The following CAPZA2 variants were observed in gnomAD, a reference collection of about 807,000 sequenced individuals.
The protein encoded by CAPZA2 is F-actin-capping protein subunit alpha-2.
In CAPZA2, 13 loss-of-function variants were observed where a neutral mutation model predicts 44.0. That is an observed-to-expected ratio of 0.30 (90% CI 0.19 to 0.47). The LOEUF is 0.47. CAPZA2 is among the 20% of genes least tolerant of loss of function. The probability of loss-of-function intolerance (pLI) is 1.00; values close to 1 mark genes in which losing one functional copy is unlikely to be tolerated. For missense variants in CAPZA2, 244 were observed against 338.6 expected (o/e 0.72, Z 2.19); for synonymous variants, 94 against 108.2 (o/e 0.87, Z 0.81).
chr7:116,885,932 C>T (rs1051539781), intron 1 of CAPZA2: 1 of 153,880 alleles, frequency 6.5e-6, no homozygotes, highest in African/African-American at 2.4e-5. Flanking sequence ...TCTCCCCTCC[C>T]TGGAGTGGAG....
chr7:116,908,854 G>A (rs985544932), intron 6 of CAPZA2, among the ~76,000 whole-genome samples: 4 of 152,036 alleles, frequency 2.6e-5, no homozygotes, highest in Non-Finnish European at 5.9e-5. Context: ...ATCAAGACAT[G>A]TTATAAAATT....
intron 7 of CAPZA2, 64 bp downstream of exon 7, chr7:116,910,375 A>G: frequency 1.2e-6 from 1 of 822,152 alleles, no homozygotes; most frequent in South Asian, 1.4e-5. Context: ...ACTAATTCCT[A>G]AGTTTACATT....
At position 116,895,859 on chromosome 7, in the gene CAPZA2, C is replaced by A. The variant is rs111831911; in HGVS notation, c.155+2814C>A. 3.9e-5 allele frequency among the ~76,000 whole-genome samples: 6 copies of A among 152,112 alleles called. 1 individual carries two copies. The highest frequency in any genetic ancestry group is 2.1e-4 in the South Asian group (1 of 4,820). ...CAGTGTCCTCTCTGTGAAATAATTT[C>A]TGAGCAAAAGTAGTGTTACCCTGTT... On this transcript the variant is annotated intron_variant, in intron 3 of 9. Transcript: ENST00000361183.
At position 116,919,394 on chromosome 7, in the gene CAPZA2, G is replaced by A. The variant is rs1445493678; in HGVS notation, c.*1527G>A. The A allele has an allele frequency of 6.6e-6, 1 of 151,888 alleles. No individual in the cohort carries two copies. The highest frequency in any genetic ancestry group is 6.6e-5 in the Admixed American group (1 of 15,200). 9.4% of individuals were successfully genotyped at this position (151,888 alleles called of 1,614,324 possible). A position where few individuals can be genotyped will look rare whatever the true frequency, so the allele number is the denominator to read the frequency against. ...ATATATATTTGAAAGTTTGATGATGGTGAACTAAATACTAGATCTAATTGA... is the reference window on the plus strand; with the variant it reads ...ATATATATTTGAAAGTTTGATGATGATGAACTAAATACTAGATCTAATTGA... On this transcript the variant is annotated 3_prime_UTR_variant, in exon 10 of 10. Coordinates refer to ENST00000361183, the MANE Select transcript of CAPZA2 (RefSeq NM_006136.3).
chr7:116,879,239 C>A (rs1796659483), intron 1 of CAPZA2, among the ~76,000 whole-genome samples: 1 of 151,744 alleles, frequency 6.6e-6, no homozygotes, highest in African/African-American at 2.4e-5. Flanking sequence ...ATTTATTCAC[C>A]CAAGGTCACA....
chr7:116,879,982 A>G (rs1211786058), intron 1 of CAPZA2: 6 of 394,666 alleles, frequency 1.5e-5, no homozygotes, highest in South Asian at 5.6e-5. Flanking sequence ...AGGGTCTGCT[A>G]TTTGCCAGGC....
rs554419988 is a variant in CAPZA2 at position 116,886,800 on chromosome 7, C to T, written c.40-1327C>T. ...AGGACTACACTTTCAGGGACACTAC[C>T]TCAGCTTATTCACAGGTACCATGTA... On this transcript the variant is annotated intron_variant, in intron 1 of 9. Coordinates refer to ENST00000361183, the MANE Select transcript of CAPZA2 (RefSeq NM_006136.3). Among the ~76,000 whole-genome samples, 9 of 152,314 alleles carry T rather than the reference C, an allele frequency of 5.9e-5. No individual in the cohort carries two copies. The South Asian group carries it at 1.9e-3, about 32-fold the overall frequency.
chr7:116,886,829 T>A (rs1796767220), intron 1 of CAPZA2, among the ~76,000 whole-genome samples: 1 of 152,246 alleles, frequency 6.6e-6, no homozygotes, highest in South Asian at 2.1e-4. Context: ...CCATGTAGTG[T>A]GATTGGATGG....
intron 4 of CAPZA2, among the ~76,000 whole-genome samples, chr7:116,900,065 A>G (rs954289942): frequency 6.6e-6 from 1 of 151,722 alleles, no homozygotes; most frequent in South Asian, 2.1e-4. Flanking sequence ...ATGATGTATC[A>G]ATAGACAGTA....
In CAPZA2 at chr7:116,906,272, A is replaced by C; in HGVS notation, c.436A>C (p.Lys146Gln). The change falls in exon 6 of 10, where the codon AAA becomes CAA. Residue 146 changes from lysine to glutamine, a missense_variant. Coordinates refer to ENST00000361183, the MANE Select transcript of CAPZA2 (RefSeq NM_006136.3). ...TTTCTTTGCCAATAAGGTGTATGGC[A>C]AAAAAATAGATGGACAGCAAACCAT... ...YPNGVCTVYG[K>Q]KIDGQQTIIA... 1 of 1,611,340 alleles carries C rather than the reference A, an allele frequency of 6.2e-7. No individual in the cohort carries two copies.
chr7:116,907,425 C>G (rs1033082272), intron 6 of CAPZA2, among the ~76,000 whole-genome samples: 3 of 152,006 alleles, frequency 2.0e-5, no homozygotes, highest in Non-Finnish European at 1.5e-5. Context: ...AATCCTGAAA[C>G]AATATTTATA....
chr7:116,888,835 A>C (rs1796797283), intron 2 of CAPZA2: 1 of 152,134 alleles, frequency 6.6e-6, no homozygotes, highest in South Asian at 2.1e-4. Flanking sequence ...ATCTCAAAAA[A>C]ACAAAAACAA....
intron 1 of CAPZA2, 45 bp from the exon 2 acceptor site, chr7:116,888,082 A>G (rs1585006761): frequency 7.3e-7 from 1 of 1,377,666 alleles, no homozygotes; most frequent in Non-Finnish European, 1.0e-6. Context: ...TTATTTTAGC[A>G]GAAGCCTGTG....
chr7:116,906,173 C>T (rs762199421), intron 5 of CAPZA2, 90 bp from the exon 6 acceptor site: 80 of 1,525,238 alleles, frequency 5.2e-5, no homozygotes, highest in Non-Finnish European at 6.7e-5. Context: ...TGTCAAAGTA[C>T]TGTACAATTT....
intron 5 of CAPZA2, among the ~76,000 whole-genome samples, chr7:116,905,208 A>G (rs1395697261): frequency 6.6e-6 from 1 of 151,940 alleles, no homozygotes; most frequent in African/African-American, 2.4e-5. Context: ...TCTTTTTTAA[A>G]AATTTCATAA....
chr7:116,905,314 G>T (rs1791479953), intron 5 of CAPZA2, among the ~76,000 whole-genome samples: 1 of 152,104 alleles, frequency 6.6e-6, no homozygotes, highest in South Asian at 2.1e-4. Flanking sequence ...TGCAAATCAG[G>T]TCATTAAAAT....
At chr7:116,908,131 C>T (rs1042514998) in intron 6 of CAPZA2, among the ~76,000 whole-genome samples, 1 of 151,106 alleles carries the variant, frequency 6.6e-6, no homozygotes, top group Non-Finnish European at 1.5e-5. Context: ...CATGGTGGTG[C>T]GTGCCTATAG....
In CAPZA2 at chr7:116,912,149, T is replaced by C; in HGVS notation, c.657+9T>C. 1 of 1,611,514 alleles carries C rather than the reference T, an allele frequency of 6.2e-7. No individual in the cohort carries two copies. Among genetic ancestry groups the C allele is most frequent in the Non-Finnish European group, 8.5e-7 (1 of 1,178,812 alleles). On this transcript the variant is annotated intron_variant, in intron 8 of 9. Coordinates refer to ENST00000361183, the MANE Select transcript of CAPZA2 (RefSeq NM_006136.3). ...ATTCCCTAACAGTGTCTGTAAGTAATTAATTCCACAATAAAATTTAACCTA... is the reference window on the plus strand; with the variant it reads ...ATTCCCTAACAGTGTCTGTAAGTAACTAATTCCACAATAAAATTTAACCTA...
chr7:116,885,991 T>C (rs1233681899), intron 1 of CAPZA2: 1 of 154,730 alleles, frequency 6.5e-6, no homozygotes, highest in Non-Finnish European at 1.5e-5. Context: ...GCCTCCTCTT[T>C]CAGTGACCAG....
Sources: gnomAD v4.1 joint callset for allele counts (sites outside exome capture counted in the v4.1 genomes callset) on GRCh38, gnomAD v4.1.1 for gene constraint, MANE v1.5 for transcripts, NCBI Gene and HGNC (gene_info 2026-07-23, HGNC 2026-07-21) for gene names.